U2SURP: variants seen among roughly 807,000 people sequenced by gnomAD.
U2SURP encodes the protein U2 snRNP associated SURP domain containing, also known as U2 snRNP-associated SURP motif-containing protein.
U2SURP carries 9 observed loss-of-function variants against 144.9 expected under a neutral mutation model. The observed-to-expected ratio is 0.06, with a 90% confidence interval of 0.04 to 0.11. The LOEUF is 0.11. U2SURP is among the 10% of genes least tolerant of loss of function. The probability of loss-of-function intolerance (pLI) is 1.00; values close to 1 mark genes in which losing one functional copy is unlikely to be tolerated. For missense variants in U2SURP, 724 were observed against 1,226.7 expected (o/e 0.59, Z 6.12); for synonymous variants, 408 against 396.8 (o/e 1.03, Z -0.33).
intron 24 of U2SURP, among the ~76,000 whole-genome samples, chr3:143,049,363 A>C (rs1313488944): frequency 6.6e-6 from 1 of 152,112 alleles, no homozygotes; most frequent in African/African-American, 2.4e-5. Context: ...GTAACAAGCA[A>C]ATGAAGTCTT....
rs1169693361 is a variant in U2SURP at position 143,057,696 on chromosome 3, T to C, written c.*1246T>C. On this transcript the variant is annotated 3_prime_UTR_variant, in exon 28 of 28. Coordinates refer to ENST00000473835, the MANE Select transcript of U2SURP (RefSeq NM_001080415.2). The stretch of plus-strand genomic sequence containing the variant: ...TGATTTCAGTTTTTTATGTAGGCAC[T>C]TCATACACTGGTTTGATGGGTTTTT... 6.6e-6 allele frequency: 1 copy of C among 151,922 alleles called. No homozygotes were observed. The highest frequency in any genetic ancestry group is 1.9e-4 in the East Asian group (1 of 5,200). 9.4% of individuals were successfully genotyped at this position (151,922 alleles called of 1,614,324 possible).
intron 24 of U2SURP, among the ~76,000 whole-genome samples, chr3:143,044,930 T>G (rs1934342737): frequency 6.6e-6 from 1 of 152,078 alleles, no homozygotes; most frequent in Non-Finnish European, 1.5e-5. Flanking sequence ...ATTTTCAGAG[T>G]TGATTAGTTG....
intron 8 of U2SURP, 146 bp downstream of exon 8, chr3:143,020,839 G>T (rs1936594042): frequency 1.6e-6 from 1 of 613,474 alleles, no homozygotes; most frequent in African/African-American, 1.9e-5. Context: ...ATTCATAGCT[G>T]TGGTAAAAAT....
intron 6 of U2SURP, among the ~76,000 whole-genome samples, chr3:143,019,486 A>T (rs914689348): frequency 3.3e-5 from 5 of 152,188 alleles, no homozygotes; most frequent in Admixed American, 1.3e-4. Context: ...GTCCAACTTC[A>T]TTTTTCTGTA....
At chr3:143,012,383 A>G in intron 3 of U2SURP, 30 bp downstream of exon 3, 1 of 1,562,874 alleles carries the variant, frequency 6.4e-7, no homozygotes, top group Non-Finnish European at 8.7e-7. Flanking sequence ...GGTAAAGATA[A>G]GAAAGGATAG....
In U2SURP at chr3:143,012,333, C is replaced by G. The variant is rs773351690; in HGVS notation, c.202C>G (p.Pro68Ala). The change falls in exon 3 of 28, where the codon CCT (proline) becomes GCT (alanine). Residue 68 changes from proline to alanine, a missense_variant. Pro to Ala is a conservative substitution (Grantham distance 27, BLOSUM62 -1). This residue lies in a region of U2SURP where 127 missense variants were observed against 98.2 expected (regional missense o/e 1.29). Transcript: ENST00000473835. Reference protein sequence around the residue: ...ESARESLCDSPHQNLSRPLLE... With the variant: ...ESARESLCDSAHQNLSRPLLE... ...TGCCCGTGAAAGCCTTTGTGATTCT[C>G]CTCATCAGAATCTCTCAAGAGTGAG... is the stretch of plus-strand genomic sequence containing the variant. The G allele has an allele frequency of 6.2e-7, 1 of 1,611,974 alleles. No individual in the cohort carries two copies. Among genetic ancestry groups the G allele is most frequent in the Non-Finnish European group, 8.5e-7 (1 of 1,178,866 alleles).
intron 8 of U2SURP, among the ~76,000 whole-genome samples, chr3:143,020,894 A>G (rs1322670595): frequency 6.6e-6 from 1 of 151,832 alleles, no homozygotes; most frequent in Non-Finnish European, 1.5e-5. Context: ...ACAATAAGTA[A>G]TAGAACAATT....
At chr3:143,047,068 C>T (rs1165669749) in intron 24 of U2SURP, among the ~76,000 whole-genome samples, 24 of 124,570 alleles carry the variant, frequency 1.9e-4, no homozygotes, top group Middle Eastern at 4.6e-3. Flanking sequence ...ACCTCCCTCC[C>T]TGACGGGGCG....
At chr3:143,036,580 C>T (rs918128407) in intron 20 of U2SURP, among the ~76,000 whole-genome samples, 4 of 152,038 alleles carry the variant, frequency 2.6e-5, no homozygotes, top group African/African-American at 9.7e-5. Context: ...TATGTTTTCA[C>T]TTTCACTCCT....
intron 27 of U2SURP, among the ~76,000 whole-genome samples, chr3:143,055,350 A>C (rs1026558081): frequency 6.6e-6 from 1 of 152,160 alleles, no homozygotes; most frequent in African/African-American, 2.4e-5. Context: ...AATTTTAAAC[A>C]TCATATCCAA....
rs1484813609 is a variant in U2SURP, at chr3:143,056,302, G to T, written c.2952-10G>T. Reference sequence around the variant, plus strand: ...TTTATCAATTGGGATTTTTTTGTTTGTTTCCTTAGATCACCATCTGGTTCA... The same window carrying T: ...TTTATCAATTGGGATTTTTTTGTTTTTTTCCTTAGATCACCATCTGGTTCA... On this transcript the variant is annotated splice_polypyrimidine_tract_variant and intron_variant, in intron 27 of 27. Coordinates refer to ENST00000473835, the MANE Select transcript of U2SURP (RefSeq NM_001080415.2). The T allele has an allele frequency of 1.9e-6, 3 of 1,588,106 alleles. No homozygotes were observed. Among genetic ancestry groups the T allele is most frequent in the Admixed American group, 1.8e-5 (1 of 54,674 alleles).
Position 143,012,345 on chromosome 3 carries a change from C to T in U2SURP, c.214C>T (p.Leu72Phe). The change falls in exon 3 of 28, where the codon CTC (leucine) becomes TTC (phenylalanine). Residue 72 changes from leucine to phenylalanine, a missense_variant. Physicochemically the swap from Leu to Phe is conservative, Grantham distance 22. Coordinates refer to ENST00000473835, the MANE Select transcript of U2SURP (RefSeq NM_001080415.2). ...CCTTTGTGATTCTCCTCATCAGAAT[C>T]TCTCAAGAGTGAGTATAGATAAGAT... ...ESLCDSPHQN[L>F]SRPLLENKLK... The T allele has an allele frequency of 1.2e-6, 2 of 1,610,942 alleles. No homozygotes were observed. The highest frequency in any genetic ancestry group is 1.7e-6 in the Non-Finnish European group (2 of 1,178,352).
intron 23 of U2SURP, among the ~76,000 whole-genome samples, chr3:143,042,764 A>T (rs954364816): frequency 1.3e-5 from 2 of 152,204 alleles, no homozygotes; most frequent in African/African-American, 4.8e-5. Context: ...AGCTTCTTGA[A>T]ATCACTCTGA....
chr3:143,028,578 A>C lies in U2SURP; in HGVS notation c.1542A>C (p.Gly514=). ...CACCATTAAATCCGTACTTGCATGG[A>C]ATGTCAGAAGAGCAAGAAACAGAAG... ...RPPPLNPYLH[G]MSEEQETEAF... The change falls in exon 16 of 28, where the codon GGA becomes GGC. Residue 514 remains glycine, a synonymous_variant. Coordinates refer to ENST00000473835, the MANE Select transcript of U2SURP (RefSeq NM_001080415.2). 3 of 1,602,710 alleles carry C rather than the reference A, an allele frequency of 1.9e-6. No individual in the cohort carries two copies. The highest frequency in any genetic ancestry group is 2.5e-6 in the Non-Finnish European group (3 of 1,177,116).
rs1443500565 is a variant in U2SURP at position 143,057,310 on chromosome 3, G to T, written c.*860G>T. On this transcript the variant is annotated 3_prime_UTR_variant, in exon 28 of 28. Coordinates refer to ENST00000473835, the MANE Select transcript of U2SURP (RefSeq NM_001080415.2). The stretch of plus-strand genomic sequence containing the variant: ...GGCCATAGAATTCTCTTGTATGATC[G>T]TTGACCTTTTATAATCTTCTGTAGG... The T allele has an allele frequency of 6.6e-6, 1 of 152,208 alleles. No homozygotes were observed. The highest frequency in any genetic ancestry group is 1.5e-5 in the Non-Finnish European group (1 of 67,838). The allele number at this position is 152,208 out of a possible 1,614,324, so 9.4% of individuals were successfully genotyped here. A position where few individuals can be genotyped will look rare whatever the true frequency, so the allele number is the denominator to read the frequency against.
At chr3:143,039,000 A>G (rs1560196994) in intron 23 of U2SURP, 40 bp downstream of exon 23, 1 of 1,306,864 alleles carries the variant, frequency 7.7e-7, no homozygotes, top group Non-Finnish European at 1.0e-6. Context: ...TCTTGTTCAT[A>G]TACACTCCCC....
intron 20 of U2SURP, chr3:143,036,931 G>C: frequency 2.2e-6 from 1 of 464,532 alleles, no homozygotes; most frequent in Non-Finnish European, 3.8e-6. Flanking sequence ...ATAACAGGGG[G>C]ACCAAACTTG....
Position 143,056,591 on chromosome 3 carries a change from C to A in U2SURP, c.*141C>A. The A allele has an allele frequency of 3.4e-6, 3 of 871,634 alleles. No homozygotes were observed. The highest frequency in any genetic ancestry group is 5.2e-6 in the Non-Finnish European group (3 of 581,304). 54.0% of individuals were successfully genotyped at this position (871,634 alleles called of 1,614,324 possible). ...TTGTTTGTGTATGCATGTGTAAACT[C>A]ATGAGCAACTGCATCTGTAGATCTG... On this transcript the variant is annotated 3_prime_UTR_variant, in exon 28 of 28. Coordinates refer to ENST00000473835, the MANE Select transcript of U2SURP (RefSeq NM_001080415.2).
Position 143,032,817 on chromosome 3 carries a change from A to C in U2SURP, c.1644A>C (p.Gly548=). ...QRDKLEEILR[G]LTPRKNDIGD... ...ATAAATTGGAAGAAATCTTGCGGGGATTAACTCCAAGGAAAAATGATATTG... is the reference window on the plus strand; with the variant it reads ...ATAAATTGGAAGAAATCTTGCGGGGCTTAACTCCAAGGAAAAATGATATTG... Residue 548 remains glycine, a synonymous_variant, in exon 17 of 28, where the codon GGA becomes GGC. Coordinates refer to ENST00000473835, the MANE Select transcript of U2SURP (RefSeq NM_001080415.2). 6.2e-7 allele frequency: 1 copy of C among 1,613,438 alleles called. No homozygotes were observed. Among genetic ancestry groups the C allele is most frequent in the Non-Finnish European group, 8.5e-7 (1 of 1,179,626 alleles).
Sources: gnomAD v4.1 joint callset for allele counts (sites outside exome capture counted in the v4.1 genomes callset) on GRCh38, gnomAD v4.1.1 for gene constraint, gnomAD v4.1.1 regional missense constraint, MANE v1.5 for transcripts, NCBI Gene and HGNC (gene_info 2026-07-23, HGNC 2026-07-21) for gene names.